The following OXCT1 variants were observed in gnomAD, a reference collection of about 807,000 sequenced individuals.
OXCT1 encodes the protein 3-oxoacid CoA-transferase 1.
Under a neutral mutation model 69.6 loss-of-function variants are expected in OXCT1, and 27 were observed. The observed-to-expected ratio is 0.39, with a 90% CI of 0.29 to 0.54. The LOEUF is 0.54. Ranked by LOEUF, OXCT1 falls within the 20% of genes least tolerant of loss-of-function variation. OXCT1 has a pLI of 0.72. For synonymous variants in OXCT1, 202 were observed against 217.8 expected (o/e 0.93, Z 0.64); for missense variants, 437 against 650.2 (o/e 0.67, Z 3.57).
chr5:41,857,464 A>C (rs886863346), intron 3 of OXCT1, among the ~76,000 whole-genome samples: 1 of 152,064 alleles, frequency 6.6e-6, no homozygotes, highest in African/African-American at 2.4e-5. Context: ...CTGTAGACTA[A>C]ATTGAGGGGT....
intron 11 of OXCT1, among the ~76,000 whole-genome samples, chr5:41,799,507 T>G (rs1327345269): frequency 6.6e-6 from 1 of 152,224 alleles, no homozygotes; most frequent in Non-Finnish European, 1.5e-5. Context: ...TCATTTGGAC[T>G]GAGCTACTTC....
At chr5:41,796,795 C>G (rs1019438965) in intron 11 of OXCT1, among the ~76,000 whole-genome samples, 4 of 152,144 alleles carry the variant, frequency 2.6e-5, no homozygotes, top group Non-Finnish European at 1.5e-5. Context: ...CATACAAAGT[C>G]CTTACTCTAA....
At chr5:41,847,106 C>T (rs1240204235) in intron 5 of OXCT1, among the ~76,000 whole-genome samples, 5 of 151,630 alleles carry the variant, frequency 3.3e-5, no homozygotes, top group African/African-American at 4.8e-5. Context: ...ATATCACCAC[C>T]GATCCCACAG....
intron 6 of OXCT1, among the ~76,000 whole-genome samples, chr5:41,841,722 G>A (rs191968292): frequency 1.2e-3 from 184 of 152,220 alleles, no homozygotes; most frequent in African/African-American, 3.1e-3. Flanking sequence ...GCAACTAAAC[G>A]TGTAAATATT....
In OXCT1 at chr5:41,810,538, C is replaced by A. The variant is rs143991037; in HGVS notation, c.733-3100G>T. Among the ~76,000 whole-genome samples, 9 of 152,166 alleles carry A rather than the reference C, an allele frequency of 5.9e-5. No homozygotes were observed. The East Asian group carries it at 1.7e-3, about 30-fold the overall frequency. On this transcript the variant is annotated intron_variant, in intron 7 of 16. Coordinates refer to ENST00000196371, the MANE Select transcript of OXCT1 (RefSeq NM_000436.4). The stretch of plus-strand genomic sequence containing the variant: ...AGAAATCCAGACGTTTGAGGCTTCT[C>A]TAATTGGTACTTGTCTTTAGTCATT...
chr5:41,860,776 C>T (rs2112469919), intron 3 of OXCT1, among the ~76,000 whole-genome samples: 1 of 152,080 alleles, frequency 6.6e-6, no homozygotes, highest in African/African-American at 2.4e-5. Context: ...TATTTCTGAC[C>T]ACTATAATAT....
In OXCT1 at chr5:41,859,864, A is replaced by AATATATATATATATATATATATT. The variant is rs3050894; in HGVS notation, c.278+1449_278+1450insAATATATATATATATATATATAT. ...AACTATTATACCTGACTAGTATAGTAATATATATATATATATATATATGTA... is the reference window on the plus strand; with the variant it reads ...AACTATTATACCTGACTAGTATAGTAATATATATATATATATATATATTATATATATATATATATATATATGTA... On this transcript the variant is annotated intron_variant, in intron 3 of 16. Coordinates refer to ENST00000196371, the MANE Select transcript of OXCT1 (RefSeq NM_000436.4). 9.3e-4 allele frequency among the ~76,000 whole-genome samples: 112 copies of AATATATATATATATATATATATT among 120,086 alleles called. 1 individual carries two copies. The highest frequency in any genetic ancestry group is 1.4e-3 in the Non-Finnish European group (79 of 56,550). The allele number at this position is 120,086 out of a possible 152,430, so 78.8% of individuals were successfully genotyped here.
chr5:41,859,588 G>C (rs537826525), intron 3 of OXCT1, among the ~76,000 whole-genome samples: 22 of 152,120 alleles, frequency 1.4e-4, no homozygotes, highest in African/African-American at 5.3e-4. Context: ...TCTTTCATGA[G>C]CTGAGCACAG....
chr5:41,804,697 C>A (rs1280771329), intron 9 of OXCT1, among the ~76,000 whole-genome samples: 1 of 151,718 alleles, frequency 6.6e-6, no homozygotes, highest in East Asian at 1.9e-4. Context: ...GAAAAATGAA[C>A]AAAAATGAGG....
chr5:41,744,216 T>A (rs1266208117), intron 15 of OXCT1, among the ~76,000 whole-genome samples: 2 of 152,312 alleles, frequency 1.3e-5, no homozygotes, highest in African/African-American at 4.8e-5. Flanking sequence ...AGGTATTTTA[T>A]TCTCTTTGAA....
At chr5:41,784,008 G>A (rs1745532792) in intron 13 of OXCT1, among the ~76,000 whole-genome samples, 1 of 152,186 alleles carries the variant, frequency 6.6e-6, no homozygotes, top group Non-Finnish European at 1.5e-5. Flanking sequence ...GTTAACATGT[G>A]TGAGGGCCTA....
chr5:41,853,897 G>A (rs1749309488), intron 3 of OXCT1, among the ~76,000 whole-genome samples: 1 of 152,172 alleles, frequency 6.6e-6, no homozygotes, highest in Non-Finnish European at 1.5e-5. Context: ...CACGGCTGCA[G>A]AGTGATTCTG....
rs530581592 is a variant in OXCT1 at position 41,767,317 on chromosome 5, CAACT to C, written c.1249-5121_1249-5118del. Among the ~76,000 whole-genome samples, 49 of 151,908 alleles carry C rather than the reference CAACT, an allele frequency of 3.2e-4. 1 individual carries two copies. The South Asian group carries it at 9.2e-3, about 28-fold the overall frequency. The stretch of plus-strand genomic sequence containing the variant: ...GGACAGGTGAATTGATTATGTAAAC[CAACT>C]AATATGGAACGAGAAATATAATTAT... On this transcript the variant is annotated intron_variant, in intron 13 of 16. Transcript: ENST00000196371.
At chr5:41,804,749 C>G (rs1267175833) in intron 9 of OXCT1, among the ~76,000 whole-genome samples, 1 of 152,068 alleles carries the variant, frequency 6.6e-6, no homozygotes, top group Admixed American at 6.6e-5. Context: ...TTCTCCCAGT[C>G]AAGATCACAG....
intron 15 of OXCT1, among the ~76,000 whole-genome samples, chr5:41,741,532 G>T (rs1743169702): frequency 6.6e-6 from 1 of 152,072 alleles, no homozygotes; most frequent in South Asian, 2.1e-4. Context: ...AGACAGTGGG[G>T]GCAGCATACA....
intron 7 of OXCT1, among the ~76,000 whole-genome samples, chr5:41,827,802 C>T (rs1441897486): frequency 6.6e-6 from 1 of 152,140 alleles, no homozygotes; most frequent in Non-Finnish European, 1.5e-5. Flanking sequence ...AAAGAGAGAG[C>T]TACAAGGCAG....
chr5:41,862,147 G>A (rs1749767276), intron 2 of OXCT1, among the ~76,000 whole-genome samples: 1 of 152,156 alleles, frequency 6.6e-6, no homozygotes, highest in Admixed American at 6.5e-5. Context: ...AGAGGCAGAG[G>A]TTGCAGTAAA....
chr5:41,823,606 A>G (rs1747669240), intron 7 of OXCT1, among the ~76,000 whole-genome samples: 1 of 152,214 alleles, frequency 6.6e-6, no homozygotes, highest in South Asian at 2.1e-4. Context: ...TGACGGATCT[A>G]AGAATAATTG....
At chr5:41,823,983 A>C (rs1747685964) in intron 7 of OXCT1, among the ~76,000 whole-genome samples, 1 of 152,192 alleles carries the variant, frequency 6.6e-6, no homozygotes. Flanking sequence ...TTAACTGAAA[A>C]ATTCAGTCAG....
Sources: allele counts gnomAD v4.1 joint callset (sites outside exome capture counted in the v4.1 genomes callset), GRCh38; gene constraint gnomAD v4.1.1; transcripts MANE v1.5; gene names NCBI Gene and HGNC (gene_info 2026-07-23, HGNC 2026-07-21).